LSAMP: variants seen among roughly 807,000 people sequenced by gnomAD.
LSAMP encodes the protein limbic system-associated membrane protein.
LSAMP carries 7 observed loss-of-function variants against 38.6 expected under a neutral mutation model. That is an observed-to-expected ratio of 0.18 (90% CI 0.10 to 0.34). The LOEUF (loss-of-function observed/expected upper bound fraction) is 0.34. Among genes scored for constraint, LSAMP ranks in the 10% least tolerant of loss-of-function variants. LSAMP has a pLI of 1.00. For synonymous variants in LSAMP, 154 were observed against 166.8 expected (o/e 0.92, Z 0.59); for missense variants, 313 against 420.0 (o/e 0.75, Z 2.23).
intron 1 of LSAMP, among the ~76,000 whole-genome samples, chr3:116,406,850 A>G (rs771855023): frequency 6.6e-6 from 1 of 152,024 alleles, no homozygotes; most frequent in African/African-American, 2.4e-5. Context: ...GCAGTAGAAA[A>G]TGTAAGTATA....
chr3:116,092,226 T>C (rs1708140718), intron 1 of LSAMP, among the ~76,000 whole-genome samples: 1 of 152,216 alleles, frequency 6.6e-6, no homozygotes, highest in South Asian at 2.1e-4. Context: ...TGGATAACTA[T>C]TTTAATATTT....
intron 1 of LSAMP, among the ~76,000 whole-genome samples, chr3:116,196,105 A>C (rs1348395600): frequency 6.6e-6 from 1 of 152,146 alleles, no homozygotes; most frequent in African/African-American, 2.4e-5. Flanking sequence ...CCTTCACCTC[A>C]TCTTCTCATT....
intron 6 of LSAMP, among the ~76,000 whole-genome samples, chr3:115,839,971 C>T (rs976726559): frequency 1.3e-5 from 2 of 152,150 alleles, no homozygotes; most frequent in Non-Finnish European, 2.9e-5. Context: ...TATTGTAGGG[C>T]GTGATGTTAC....
At chr3:116,434,826 A>G (rs1243007762) in intron 1 of LSAMP, among the ~76,000 whole-genome samples, 1 of 152,104 alleles carries the variant, frequency 6.6e-6, no homozygotes, top group Non-Finnish European at 1.5e-5. Flanking sequence ...TTGGGATTAC[A>G]GCGTGAGCCA....
chr3:116,432,385 C>T (rs1325714062), intron 1 of LSAMP, among the ~76,000 whole-genome samples: 1 of 151,548 alleles, frequency 6.6e-6, no homozygotes, highest in Non-Finnish European at 1.5e-5. Flanking sequence ...TACAGTCACA[C>T]TATATAGATT....
chr3:115,826,995 C>T (rs1475730814), intron 6 of LSAMP, among the ~76,000 whole-genome samples: 6 of 146,180 alleles, frequency 4.1e-5, no homozygotes, highest in African/African-American at 1.5e-4. Flanking sequence ...CTGCACTTAA[C>T]AGCTGTCAGC....
intron 1 of LSAMP, among the ~76,000 whole-genome samples, chr3:116,212,828 G>T (rs2046175573): frequency 6.6e-6 from 1 of 152,146 alleles, no homozygotes; most frequent in Non-Finnish European, 1.5e-5. Context: ...TGAGAAGAAT[G>T]CTACAAGGGG....
At chr3:115,942,640 A>T (rs888434653) in intron 3 of LSAMP, among the ~76,000 whole-genome samples, 3 of 152,194 alleles carry the variant, frequency 2.0e-5, no homozygotes, top group African/African-American at 7.2e-5. Flanking sequence ...TTTAGTATGT[A>T]CTAGATATCT....
At position 116,196,906 on chromosome 3, in the gene LSAMP, C is replaced by A. The variant is rs539036870; in HGVS notation, c.156-110350G>T. On this transcript the variant is annotated intron_variant, in intron 1 of 6. Coordinates refer to ENST00000490035, the MANE Select transcript of LSAMP (RefSeq NM_002338.5). ...TTATGCCTGCTTCTGCAGAACAACT[C>A]CTGAGAGCATCCATTAACTGGGTTT... 4.6e-5 allele frequency among the ~76,000 whole-genome samples: 7 copies of A among 152,252 alleles called. 1 individual carries two copies. In the South Asian group the frequency reaches 1.5e-3, roughly 32 times the overall value.
chr3:115,906,375 T>C (rs1937008645), intron 3 of LSAMP, among the ~76,000 whole-genome samples: 1 of 152,188 alleles, frequency 6.6e-6, no homozygotes, highest in African/African-American at 2.4e-5. Flanking sequence ...GGAAAAATAA[T>C]ACTGCTTTGG....
chr3:116,106,879 G>T (rs570631326), intron 1 of LSAMP, among the ~76,000 whole-genome samples: 11 of 152,236 alleles, frequency 7.2e-5, no homozygotes, highest in African/African-American at 2.6e-4. Flanking sequence ...GTGTAGGGAA[G>T]GGAGGGGGCC....
chr3:116,282,584 C>T (rs2047140929), intron 1 of LSAMP, among the ~76,000 whole-genome samples: 1 of 152,114 alleles, frequency 6.6e-6, no homozygotes, highest in Non-Finnish European at 1.5e-5. Flanking sequence ...ACATGGATGC[C>T]TCCAGTCTCT....
chr3:116,067,754 G>T (rs935611247), intron 2 of LSAMP, among the ~76,000 whole-genome samples: 1 of 151,994 alleles, frequency 6.6e-6, no homozygotes, highest in African/African-American at 2.4e-5. Context: ...ATCTCTTGAT[G>T]TACACCTTTC....
intron 1 of LSAMP, among the ~76,000 whole-genome samples, chr3:116,324,654 C>T (rs1037237261): frequency 6.6e-6 from 1 of 152,118 alleles, no homozygotes; most frequent in African/African-American, 2.4e-5. Context: ...TGAATTCATC[C>T]TTTTGCAACA....
chr3:115,936,550 G>A (rs144561213), intron 3 of LSAMP, among the ~76,000 whole-genome samples: 19 of 152,138 alleles, frequency 1.2e-4, no homozygotes, highest in African/African-American at 4.1e-4. Context: ...ATTTTTACTT[G>A]GACCTTTCAG....
intron 1 of LSAMP, among the ~76,000 whole-genome samples, chr3:116,433,838 A>C (rs1236171566): frequency 6.6e-6 from 1 of 152,118 alleles, no homozygotes; most frequent in Non-Finnish European, 1.5e-5. Context: ...TGACCTCTTC[A>C]CAGATATCTC....
intron 2 of LSAMP, among the ~76,000 whole-genome samples, chr3:116,069,001 A>G (rs1707530536): frequency 6.6e-6 from 1 of 152,254 alleles, no homozygotes; most frequent in African/African-American, 2.4e-5. Context: ...TGATCAAGAT[A>G]TCACTTTACA....
intron 1 of LSAMP, among the ~76,000 whole-genome samples, chr3:116,418,123 A>G (rs1490351675): frequency 6.6e-6 from 1 of 152,140 alleles, no homozygotes; most frequent in African/African-American, 2.4e-5. Flanking sequence ...TTAGTTGGTC[A>G]CTTTCCTGTA....
intron 1 of LSAMP, among the ~76,000 whole-genome samples, chr3:116,232,695 CTTTCTT>C (rs2046415488): frequency 3.7e-5 from 1 of 27,304 alleles, no homozygotes; most frequent in African/African-American, 7.7e-5. Flanking sequence ...TTCTTTCTTT[CTTTCTT>C]TTTTTTTTTT....
Sources: gnomAD v4.1 joint callset for allele counts (sites outside exome capture counted in the v4.1 genomes callset) on GRCh38, gnomAD v4.1.1 for gene constraint, MANE v1.5 for transcripts, NCBI Gene and HGNC (gene_info 2026-07-23, HGNC 2026-07-21) for gene names.